The following NXPH1 variants were observed in gnomAD, a reference collection of about 807,000 sequenced individuals.
The protein encoded by NXPH1 is neurexophilin-1.
NXPH1 carries 5 observed loss-of-function variants against 23.7 expected under a neutral mutation model. That is an observed-to-expected ratio of 0.21 (90% confidence interval 0.11 to 0.44). The LOEUF (loss-of-function observed/expected upper bound fraction) is 0.44, where lower values mean the gene tolerates loss of function less well. Among genes scored for constraint, NXPH1 ranks in the 20% least tolerant of loss-of-function variants. NXPH1 has a pLI of 0.99. For synonymous variants in NXPH1, 144 were observed against 122.2 expected, an observed-to-expected ratio of 1.18 and a Z score of -1.18; for missense variants, 324 against 321.6, an observed-to-expected ratio of 1.01 and a Z score of -0.06.
chr7:8,486,240 T>C (rs772991562), intron 2 of NXPH1, among the ~76,000 whole-genome samples: 3 of 152,210 alleles, frequency 2.0e-5, no homozygotes, highest in Non-Finnish European at 4.4e-5. Context: ...AATGGCATTG[T>C]GCCTCTCCTG....
At chr7:8,543,988 G>A (rs1211210138) in intron 2 of NXPH1, among the ~76,000 whole-genome samples, 1 of 151,578 alleles carries the variant, frequency 6.6e-6, no homozygotes, top group East Asian at 1.9e-4. Flanking sequence ...AAGAGGTTAA[G>A]TGACTTAACC....
At chr7:8,663,181 A>C (rs1259139075) in intron 2 of NXPH1, among the ~76,000 whole-genome samples, 6 of 152,084 alleles carry the variant, frequency 3.9e-5, no homozygotes, top group Admixed American at 3.9e-4. Context: ...AATGTTTGTG[A>C]GTATCTAAAT....
chr7:8,451,169 C>A lies in NXPH1; in HGVS notation c.54+15402C>A, dbSNP rs1326716966. On this transcript the variant is annotated intron_variant, in intron 2 of 2. Transcript: ENST00000405863. ...TTTTGCTTATTTTTTCTTATAGATC[C>A]CTTAGGAATTAGGGTTTAGGAATCC... Among the ~76,000 whole-genome samples, 4 of 149,026 alleles carry A rather than the reference C, an allele frequency of 2.7e-5. No individual in the cohort carries two copies. The Admixed American group carries it at 2.7e-4, about 10-fold the overall frequency.
chr7:8,700,408 C>T (rs969898893), intron 2 of NXPH1, among the ~76,000 whole-genome samples: 2 of 152,040 alleles, frequency 1.3e-5, no homozygotes, highest in African/African-American at 4.8e-5. Context: ...AAGGATGAAA[C>T]ATCATTTGCT....
chr7:8,624,750 G>C (rs1265952111), intron 2 of NXPH1, among the ~76,000 whole-genome samples: 1 of 152,116 alleles, frequency 6.6e-6, no homozygotes, highest in African/African-American at 2.4e-5. Flanking sequence ...GGAGTTGAGA[G>C]GTTATTTTAA....
chr7:8,693,339 T>A (rs1821252851), intron 2 of NXPH1, among the ~76,000 whole-genome samples: 1 of 152,210 alleles, frequency 6.6e-6, no homozygotes, highest in Admixed American at 6.5e-5. Flanking sequence ...GGGATGCTTA[T>A]ACACAGCATC....
In NXPH1 at chr7:8,544,181, A is replaced by T. The variant is rs531863479; in HGVS notation, c.54+108414A>T. ...TTGTCAATAATTTGAGTGACTAAAA[A>T]CTTTATGTCACTCTTTAGAAATCAC... On this transcript the variant is annotated intron_variant, in intron 2 of 2. Transcript: ENST00000405863. Among the ~76,000 whole-genome samples the T allele has an allele frequency of 5.3e-5, 8 of 151,766 alleles. No individual in the cohort carries two copies. The East Asian group carries it at 1.6e-3, about 30-fold the overall frequency.
chr7:8,547,352 G>A (rs1818212895), intron 2 of NXPH1, among the ~76,000 whole-genome samples: 1 of 151,440 alleles, frequency 6.6e-6, no homozygotes, highest in South Asian at 2.1e-4. Flanking sequence ...AGATAAGTAA[G>A]GGGCCCTGAA....
At chr7:8,596,168 T>A (rs1460143934) in intron 2 of NXPH1, among the ~76,000 whole-genome samples, 4 of 152,128 alleles carry the variant, frequency 2.6e-5, no homozygotes, top group Admixed American at 2.6e-4. Flanking sequence ...AAGTCCTGTT[T>A]CTTCTAAGGT....
At chr7:8,725,420 G>A (rs1780035481) in intron 2 of NXPH1, among the ~76,000 whole-genome samples, 1 of 151,260 alleles carries the variant, frequency 6.6e-6, no homozygotes, top group Non-Finnish European at 1.5e-5. Flanking sequence ...AACCTGGGAG[G>A]CAGAGGTTGC....
intron 2 of NXPH1, among the ~76,000 whole-genome samples, chr7:8,658,574 A>G (rs1820618105): frequency 6.6e-6 from 1 of 152,236 alleles, no homozygotes; most frequent in Non-Finnish European, 1.5e-5. Flanking sequence ...CAGACATTTA[A>G]AAAAGGTTTC....
chr7:8,596,862 C>T (rs565351336), intron 2 of NXPH1, among the ~76,000 whole-genome samples: 36 of 152,020 alleles, frequency 2.4e-4, no homozygotes, highest in South Asian at 4.2e-4. Context: ...CTAATAAAGG[C>T]GAATGGGTAC....
chr7:8,591,110 C>T (rs1273538750), intron 2 of NXPH1, among the ~76,000 whole-genome samples: 1 of 152,054 alleles, frequency 6.6e-6, no homozygotes, highest in Non-Finnish European at 1.5e-5. Flanking sequence ...ATTTCTCACA[C>T]CTACAGTTAC....
intron 2 of NXPH1, among the ~76,000 whole-genome samples, chr7:8,519,010 G>A (rs557191251): frequency 6.6e-6 from 1 of 152,024 alleles, no homozygotes; most frequent in Non-Finnish European, 1.5e-5. Context: ...TTTATGTAAA[G>A]CATGTAGCAG....
Position 8,740,540 on chromosome 7 carries a change from A to G in NXPH1, c.55-10468A>G, listed in dbSNP as rs560903165. ...TTAGACCTATGATCTCTGACTGCAA[A>G]GCCCATTCTCTTAGTTCCTATGTAA... On this transcript the variant is annotated intron_variant, in intron 2 of 2. Coordinates refer to ENST00000405863, the MANE Select transcript of NXPH1 (RefSeq NM_152745.3). Among the ~76,000 whole-genome samples, 160 of 152,318 alleles carry G rather than the reference A, an allele frequency of 1.1e-3. 1 individual carries two copies. In the Middle Eastern group the frequency reaches 0.02, roughly 19 times the overall value.
chr7:8,534,985 A>G (rs1174414541), intron 2 of NXPH1, among the ~76,000 whole-genome samples: 7 of 152,122 alleles, frequency 4.6e-5, no homozygotes, highest in African/African-American at 1.7e-4. Context: ...GAAAAAACCC[A>G]GTACCTAATT....
At chr7:8,572,447 G>A (rs1818666834) in intron 2 of NXPH1, among the ~76,000 whole-genome samples, 1 of 151,948 alleles carries the variant, frequency 6.6e-6, no homozygotes, top group Non-Finnish European at 1.5e-5. Flanking sequence ...TAAAATTACT[G>A]ACTTATTTTT....
chr7:8,605,068 T>C (rs375621984), intron 2 of NXPH1, among the ~76,000 whole-genome samples: 2 of 152,176 alleles, frequency 1.3e-5, no homozygotes, highest in African/African-American at 4.8e-5. Flanking sequence ...TTTTCCTTTG[T>C]ATTTTAACAT....
chr7:8,731,760 C>T (rs1344149874), intron 2 of NXPH1, among the ~76,000 whole-genome samples: 2 of 152,236 alleles, frequency 1.3e-5, no homozygotes, highest in East Asian at 3.9e-4. Context: ...CAGACAGGGA[C>T]ATTTAATTCT....
Sources: allele counts gnomAD v4.1 joint callset (sites outside exome capture counted in the v4.1 genomes callset), GRCh38; gene constraint gnomAD v4.1.1; transcripts MANE v1.5; gene names NCBI Gene and HGNC (gene_info 2026-07-23, HGNC 2026-07-21).